PCCA: variants seen among roughly 807,000 people sequenced by gnomAD.
PCCA encodes propionyl-CoA carboxylase alpha chain, mitochondrial.
Under a neutral mutation model 101.3 loss-of-function variants are expected in PCCA, and 74 were observed. The observed-to-expected ratio is 0.73, with a 90% CI of 0.61 to 0.89. The LOEUF (loss-of-function observed/expected upper bound fraction) is 0.89, where lower values mean the gene tolerates loss of function less well. PCCA is among the 40% of genes least tolerant of loss of function. The probability of loss-of-function intolerance (pLI) is 0.00; values close to 1 mark genes in which losing one functional copy is unlikely to be tolerated. For missense variants in PCCA, 891 were observed against 907.0 expected (o/e 0.98, Z 0.23); for synonymous variants, 294 against 313.6 (o/e 0.94, Z 0.66).
rs34407991 is a variant in PCCA, at chr13:100,264,158, T to C, written c.819+1327T>C. Reference sequence around the variant, plus strand: ...ATGGTATCTGTATATCGTATATATATGGTATCTGTATATCGTATATATGTG... The same window carrying C: ...ATGGTATCTGTATATCGTATATATACGGTATCTGTATATCGTATATATGTG... On this transcript the variant is annotated intron_variant, in intron 10 of 23. Coordinates refer to ENST00000376285, the MANE Select transcript of PCCA (RefSeq NM_000282.4). 1.3e-3 allele frequency among the ~76,000 whole-genome samples: 90 copies of C among 67,982 alleles called. 24 individuals are homozygous for C. The highest frequency in any genetic ancestry group is 1.8e-3 in the Non-Finnish European group (50 of 27,612). The allele number at this position is 67,982 out of a possible 152,430, so 44.6% of individuals were successfully genotyped here.
chr13:100,317,028 C>T (rs1468168451), intron 16 of PCCA, among the ~76,000 whole-genome samples: 4 of 152,068 alleles, frequency 2.6e-5, no homozygotes, highest in Non-Finnish European at 5.9e-5. Context: ...CTGCCTCGGC[C>T]TCCCAAAATG....
At chr13:100,304,408 G>C (rs2066300142) in intron 14 of PCCA, among the ~76,000 whole-genome samples, 1 of 152,306 alleles carries the variant, frequency 6.6e-6, no homozygotes, top group South Asian at 2.1e-4. Flanking sequence ...ATTGATGTCA[G>C]CAGGACAGTA....
chr13:100,346,772 G>A (rs1455949113), intron 18 of PCCA, among the ~76,000 whole-genome samples: 2 of 152,116 alleles, frequency 1.3e-5, no homozygotes, highest in African/African-American at 4.8e-5. Flanking sequence ...AGCCTCCCCA[G>A]CCTTCAGCAT....
intron 16 of PCCA, among the ~76,000 whole-genome samples, chr13:100,321,556 C>G (rs1300445535): frequency 7.2e-6 from 1 of 138,150 alleles, no homozygotes; most frequent in East Asian, 2.1e-4. Flanking sequence ...CATGAAATAG[C>G]TGTGTAGATC....
chr13:100,367,907 G>A (rs1044707642), intron 18 of PCCA, among the ~76,000 whole-genome samples: 2 of 151,622 alleles, frequency 1.3e-5, no homozygotes, highest in South Asian at 2.1e-4. Flanking sequence ...GCAGTGAGCC[G>A]AAATCGCACC....
At chr13:100,311,833 A>G (rs1042435997) in intron 16 of PCCA, among the ~76,000 whole-genome samples, 1 of 152,202 alleles carries the variant, frequency 6.6e-6, no homozygotes, top group African/African-American at 2.4e-5. Flanking sequence ...GTCATATGAA[A>G]TTTACTAAAT....
intron 4 of PCCA, among the ~76,000 whole-genome samples, chr13:100,127,291 C>T (rs948382205): frequency 2.0e-5 from 3 of 151,794 alleles, no homozygotes; most frequent in African/African-American, 4.8e-5. Context: ...TTTTATAAAA[C>T]GTTAAGGAGA....
intron 21 of PCCA, among the ~76,000 whole-genome samples, chr13:100,506,480 T>C (rs1050287270): frequency 1.2e-4 from 18 of 152,230 alleles, no homozygotes; most frequent in African/African-American, 4.3e-4. Flanking sequence ...TACTTTCGTT[T>C]ACTCTGCCTT....
intron 18 of PCCA, among the ~76,000 whole-genome samples, chr13:100,367,277 A>G (rs1334252845): frequency 6.6e-6 from 1 of 152,220 alleles, no homozygotes; most frequent in Admixed American, 6.5e-5. Context: ...AATATGCAAG[A>G]AAAGACCCGT....
chr13:100,464,727 GTGCTTAAAAACATCTGTT>G (rs1361645829), intron 21 of PCCA, among the ~76,000 whole-genome samples: 1 of 152,200 alleles, frequency 6.6e-6, no homozygotes, highest in Non-Finnish European at 1.5e-5. Flanking sequence ...TGGTGGCAGG[GTGCTTAAAAACATCTGTT>G]TCCTTGAAGA....
intron 15 of PCCA, among the ~76,000 whole-genome samples, chr13:100,307,962 G>A (rs755717110): frequency 6.6e-6 from 1 of 152,120 alleles, no homozygotes; most frequent in Non-Finnish European, 1.5e-5. Context: ...AGGTTCAAGC[G>A]ATTCTCCTGC....
intron 22 of PCCA, among the ~76,000 whole-genome samples, chr13:100,518,918 T>C (rs1246100945): frequency 1.3e-5 from 2 of 152,214 alleles, no homozygotes; most frequent in Non-Finnish European, 2.9e-5. Context: ...GAAATATATA[T>C]ATTTTCAGAA....
chr13:100,525,378 C>G (rs1482404479), intron 22 of PCCA, among the ~76,000 whole-genome samples: 1 of 152,196 alleles, frequency 6.6e-6, no homozygotes, highest in Non-Finnish European at 1.5e-5. Context: ...TGTGCGTTAC[C>G]TCTTTGCAAA....
chr13:100,343,078 C>A (rs1411203508), intron 18 of PCCA, among the ~76,000 whole-genome samples: 1 of 152,110 alleles, frequency 6.6e-6, no homozygotes, highest in Non-Finnish European at 1.5e-5. Flanking sequence ...TGCCTGTAAT[C>A]CCAGCTACTA....
intron 4 of PCCA, among the ~76,000 whole-genome samples, chr13:100,133,909 C>G (rs955855771): frequency 3.3e-5 from 5 of 152,178 alleles, no homozygotes; most frequent in African/African-American, 2.4e-5. Flanking sequence ...TTCCTGACCT[C>G]GAACATCAGA....
intron 18 of PCCA, among the ~76,000 whole-genome samples, chr13:100,362,168 C>T (rs1182335920): frequency 6.6e-6 from 1 of 151,970 alleles, no homozygotes; most frequent in Non-Finnish European, 1.5e-5. Context: ...TTGTGAAGCT[C>T]AGAACAGGCA....
chr13:100,148,194 A>G (rs2052817924), intron 4 of PCCA, among the ~76,000 whole-genome samples: 1 of 152,132 alleles, frequency 6.6e-6, no homozygotes, highest in South Asian at 2.1e-4. Context: ...CCACTTGGGA[A>G]GCCTCTTGGG....
intron 7 of PCCA, among the ~76,000 whole-genome samples, chr13:100,218,839 A>C (rs2059661202): frequency 6.6e-6 from 1 of 152,222 alleles, no homozygotes; most frequent in Non-Finnish European, 1.5e-5. Context: ...AGAGAACAAG[A>C]TTCTTTTTGC....
intron 13 of PCCA, 135 bp from the exon 14 acceptor site, chr13:100,302,789 T>C: frequency 1.4e-6 from 1 of 705,954 alleles, no homozygotes; most frequent in East Asian, 2.6e-5. Flanking sequence ...ACAATAATAT[T>C]CTGAAATCTG....
Sources: gnomAD v4.1 joint callset for allele counts (sites outside exome capture counted in the v4.1 genomes callset) on GRCh38, gnomAD v4.1.1 for gene constraint, MANE v1.5 for transcripts, NCBI Gene and HGNC (gene_info 2026-07-23, HGNC 2026-07-21) for gene names.